TMEM59: variants seen among roughly 807,000 people sequenced by gnomAD.
TMEM59 encodes dendritic cell factor 1.
TMEM59 carries 44 observed loss-of-function variants against 42.2 expected under a neutral mutation model. The observed-to-expected ratio is 1.04, with a 90% confidence interval of 0.82 to 1.34. The LOEUF (loss-of-function observed/expected upper bound fraction) is 1.34. TMEM59 is among the 40% of genes most tolerant of loss of function. The pLI is 0.00. For synonymous variants in TMEM59, 148 were observed against 145.8 expected, an observed-to-expected ratio of 1.02 and a Z score of -0.11; for missense variants, 359 against 382.8, an observed-to-expected ratio of 0.94 and a Z score of 0.52.
At chr1:54,039,821 T>C (rs1210362819) in intron 6 of TMEM59, among the ~76,000 whole-genome samples, 3 of 151,756 alleles carry the variant, frequency 2.0e-5, no homozygotes, top group African/African-American at 7.3e-5. Context: ...TTTCCTTTTT[T>C]TGTTGGGGGT....
In TMEM59 at chr1:54,029,255, T is replaced by A. The variant is rs1656692712; in HGVS notation, c.*2895A>T. ...AATTTCTGATTTACTACAAAACATA[T>A]CACAAATGAAAGGTGCCCATGAAGT... On this transcript the variant is annotated 3_prime_UTR_variant, in exon 8 of 8. Transcript: ENST00000234831. The A allele has an allele frequency of 6.6e-6, 1 of 152,062 alleles. No individual in the cohort carries two copies. The highest frequency in any genetic ancestry group is 6.6e-5 in the Admixed American group (1 of 15,252). The allele number at this position is 152,062 out of a possible 1,614,324, so 9.4% of individuals were successfully genotyped here.
intron 1 of TMEM59, chr1:54,048,739 T>C (rs1466523685): frequency 8.0e-6 from 3 of 376,862 alleles, no homozygotes; most frequent in Non-Finnish European, 1.6e-5. Context: ...ATACAAGCTA[T>C]GTATTTCTTT....
intron 3 of TMEM59, 119 bp downstream of exon 3, chr1:54,045,573 C>A: frequency 3.0e-6 from 3 of 993,572 alleles, no homozygotes; most frequent in Non-Finnish European, 4.6e-6. Context: ...ATTTTGTTTG[C>A]TGAAAGCCAA....
At chr1:54,034,708 A>C (rs1656888100) in intron 7 of TMEM59, 1 of 152,250 alleles carries the variant, frequency 6.6e-6, no homozygotes, top group Admixed American at 6.5e-5. Context: ...CGGGAGGTGG[A>C]GATTGCAGTG....
chr1:54,034,980 A>C (rs1656898798), intron 7 of TMEM59: 1 of 152,224 alleles, frequency 6.6e-6, no homozygotes. Flanking sequence ...CATCAACATG[A>C]AAGAAGCCAC....
chr1:54,038,907 C>A (rs79917339), intron 6 of TMEM59, among the ~76,000 whole-genome samples: 3 of 152,168 alleles, frequency 2.0e-5, no homozygotes, highest in African/African-American at 7.2e-5. Flanking sequence ...TGCAATGGCA[C>A]GATCACAGCT....
At chr1:54,047,167 T>A in intron 2 of TMEM59, 100 bp downstream of exon 2, 1 of 946,664 alleles carries the variant, frequency 1.1e-6, no homozygotes, top group Non-Finnish European at 1.6e-6. Context: ...ATGACTAGTT[T>A]CAACAGTGTG....
intron 3 of TMEM59, 21 bp from the exon 4 acceptor site, chr1:54,043,546 G>A: frequency 2.1e-6 from 3 of 1,401,514 alleles, no homozygotes; most frequent in East Asian, 2.7e-5. Context: ...AATAAATAAT[G>A]AGAAATATAT....
chr1:54,033,923 G>C (rs1656856224), intron 7 of TMEM59: 1 of 151,892 alleles, frequency 6.6e-6, no homozygotes, highest in Non-Finnish European at 1.5e-5. Flanking sequence ...TTCCAGACCA[G>C]TCTGGCCAAC....
chr1:54,046,427 C>T (rs969755873), intron 2 of TMEM59, among the ~76,000 whole-genome samples: 2 of 152,184 alleles, frequency 1.3e-5, no homozygotes. Context: ...GATATACTCT[C>T]ATTTAGTTCA....
At chr1:54,052,781 T>TC (rs1219309090) in intron 1 of TMEM59, among the ~76,000 whole-genome samples, 1 of 152,048 alleles carries the variant, frequency 6.6e-6, no homozygotes, top group Non-Finnish European at 1.5e-5. Flanking sequence ...CATCTTTGTG[T>TC]CCCCCAGCCT....
chr1:54,038,877 T>G (rs1394834235), intron 6 of TMEM59, among the ~76,000 whole-genome samples: 2 of 152,186 alleles, frequency 1.3e-5, no homozygotes, highest in Non-Finnish European at 2.9e-5. Flanking sequence ...TGAGACAGTC[T>G]CGCTTTGTCA....
rs1656620328 is a variant in TMEM59, at chr1:54,027,004, A to T, written c.*5146T>A. Reference sequence around the variant, plus strand: ...TTAAAATGACAAAAGTAAAATTAAGACAACCTCTAAACCAGGGGTCTGGTG... The same window carrying T: ...TTAAAATGACAAAAGTAAAATTAAGTCAACCTCTAAACCAGGGGTCTGGTG... On this transcript the variant is annotated 3_prime_UTR_variant, in exon 8 of 8. Coordinates refer to ENST00000234831, the MANE Select transcript of TMEM59 (RefSeq NM_004872.5). 6.6e-6 allele frequency: 1 copy of T among 152,246 alleles called. No homozygotes were observed. The highest frequency in any genetic ancestry group is 2.1e-4 in the South Asian group (1 of 4,836). 9.4% of individuals were successfully genotyped at this position (152,246 alleles called of 1,614,324 possible). A position where few individuals can be genotyped will look rare whatever the true frequency, so the allele number is the denominator to read the frequency against.
chr1:54,041,995 G>C (rs1657153291), intron 4 of TMEM59, among the ~76,000 whole-genome samples, 190 bp from the exon 5 acceptor site: 1 of 150,526 alleles, frequency 6.6e-6, no homozygotes, highest in Non-Finnish European at 1.5e-5. Flanking sequence ...CCAGTGCCTT[G>C]CAAAGAAACA....
chr1:54,050,123 CTT>C (rs112235026), intron 1 of TMEM59, among the ~76,000 whole-genome samples: 1 of 146,390 alleles, frequency 6.8e-6, no homozygotes, highest in African/African-American at 2.5e-5. Context: ...TCTGAGATTT[CTT>C]TTTTTTTTTT....
intron 6 of TMEM59, among the ~76,000 whole-genome samples, chr1:54,038,498 G>T (rs1056867658): frequency 2.0e-5 from 3 of 152,176 alleles, no homozygotes; most frequent in Non-Finnish European, 2.9e-5. Context: ...CTAGCACAGT[G>T]CCTGGCTCCT....
rs748060738 is a variant in TMEM59, at chr1:54,053,115, G to C, written c.74C>G (p.Ala25Gly). 2 of 1,614,136 alleles carry C rather than the reference G, an allele frequency of 1.2e-6. No homozygotes were observed. Among genetic ancestry groups the C allele is most frequent in the African/African-American group, 1.3e-5 (1 of 74,964 alleles). The change falls in exon 1 of 8, where the codon GCC becomes GGC. Residue 25 changes from alanine to glycine, a missense_variant. Coordinates refer to ENST00000234831, the MANE Select transcript of TMEM59 (RefSeq NM_004872.5). ...GLPPLLLLTMALAGGSGTASA... is the reference protein window; with the variant it reads ...GLPPLLLLTMGLAGGSGTASA... ...AGCGGTCCCCGAACCTCCGGCCAAG[G>C]CCATGGTCAGCAGCAGCAGCGGCGG...
Position 54,031,698 on chromosome 1 carries a change from AT to A in TMEM59, c.*451del, listed in dbSNP as rs1431724145. The A allele has an allele frequency of 6.5e-6, 1 of 152,926 alleles. No individual in the cohort carries two copies. The highest frequency in any genetic ancestry group is 2.4e-5 in the African/African-American group (1 of 41,470). The allele number at this position is 152,926 out of a possible 1,614,324, so 9.5% of individuals were successfully genotyped here. A position where few individuals can be genotyped will look rare whatever the true frequency, so the allele number is the denominator to read the frequency against. On this transcript the variant is annotated 3_prime_UTR_variant, in exon 8 of 8. Coordinates refer to ENST00000234831, the MANE Select transcript of TMEM59 (RefSeq NM_004872.5). ...TAATTATTCAAATAAAATTTTAATG[AT>A]TTCAGTTCCTGAAAATGTAGTGTCA...
chr1:54,038,574 T>A (rs1044095319), intron 6 of TMEM59, among the ~76,000 whole-genome samples: 3 of 152,226 alleles, frequency 2.0e-5, no homozygotes, highest in Admixed American at 1.3e-4. Context: ...GGTGTCTCTT[T>A]AACAGCTACG....
Sources: gnomAD v4.1 joint callset for allele counts (sites outside exome capture counted in the v4.1 genomes callset) on GRCh38, gnomAD v4.1.1 for gene constraint, MANE v1.5 for transcripts, NCBI Gene and HGNC (gene_info 2026-07-23, HGNC 2026-07-21) for gene names.